DST: variants seen among roughly 807,000 people sequenced by gnomAD.
The protein encoded by DST is bullous pemphigoid antigen.
A neutral mutation model predicts 875.2 loss-of-function variants in DST; 253 were observed. The observed-to-expected ratio is 0.29, with a 90% confidence interval of 0.26 to 0.32. DST has a LOEUF of 0.32. DST is among the 10% of genes least tolerant of loss of function. The probability of loss-of-function intolerance (pLI) is 1.00; values close to 1 mark genes in which losing one functional copy is unlikely to be tolerated. For synonymous variants in DST, 3,124 were observed against 3,197.1 expected (o/e 0.98, Z 0.77); for missense variants, 8,287 against 9,111.6 (o/e 0.91, Z 3.68).
chr6:56,629,147 T>C, intron 32 of DST, 103 bp downstream of exon 32: 2 of 1,139,986 alleles, frequency 1.8e-6, no homozygotes, highest in Non-Finnish European at 2.6e-6. Flanking sequence ...ATTAACAAAT[T>C]AACTATGGAA....
At chr6:56,594,944 C>T (rs1482319840) in intron 47 of DST, among the ~76,000 whole-genome samples, 1 of 152,190 alleles carries the variant, frequency 6.6e-6, no homozygotes, top group Non-Finnish European at 1.5e-5. Flanking sequence ...GGCAGGTGTG[C>T]TGCAGGCAAG....
chr6:56,858,614 A>G (rs1769278485), intron 3 of DST, among the ~76,000 whole-genome samples: 1 of 152,186 alleles, frequency 6.6e-6, no homozygotes, highest in Non-Finnish European at 1.5e-5. Context: ...TTGATTTCAT[A>G]TCTTGACTAT....
intron 80 of DST, among the ~76,000 whole-genome samples, chr6:56,498,350 T>C (rs1407664711): frequency 6.6e-6 from 1 of 152,096 alleles, no homozygotes; most frequent in Non-Finnish European, 1.5e-5. Flanking sequence ...TTTTGTTTTA[T>C]TTTTTATACA....
chr6:56,465,372 T>TG (rs939000308), intron 99 of DST, among the ~76,000 whole-genome samples: 18 of 152,046 alleles, frequency 1.2e-4, no homozygotes, highest in Non-Finnish European at 2.1e-4. Flanking sequence ...GTTTTTTTCT[T>TG]GGGGGGGAAG....
At chr6:56,833,760 C>A (rs531743538) in intron 4 of DST, among the ~76,000 whole-genome samples, 2 of 152,182 alleles carry the variant, frequency 1.3e-5, no homozygotes, top group South Asian at 2.1e-4. Flanking sequence ...AGGAAATAAT[C>A]AGGTCCTTAT....
At chr6:56,469,744 A>T in intron 97 of DST, 139 bp downstream of exon 97, 2 of 693,992 alleles carry the variant, frequency 2.9e-6, no homozygotes, top group South Asian at 3.6e-5. Context: ...TAAATGTAAG[A>T]GTTTCATATA....
chr6:56,914,142 T>G (rs118165459), intron 2 of DST, among the ~76,000 whole-genome samples: 1 of 152,050 alleles, frequency 6.6e-6, no homozygotes, highest in African/African-American at 2.4e-5. Context: ...AAATGAACCA[T>G]AAAAAGAAAA....
chr6:56,752,841 A>G (rs9296852), intron 4 of DST, among the ~76,000 whole-genome samples: 88,197 of 151,894 alleles, frequency 0.58, 28,475 homozygotes, highest in African/African-American at 0.87. Flanking sequence ...GCCCAGGCTG[A>G]AGGGCAATGG....
At chr6:56,785,416 C>T (rs1376602563) in intron 4 of DST, among the ~76,000 whole-genome samples, 2 of 152,194 alleles carry the variant, frequency 1.3e-5, no homozygotes, top group Non-Finnish European at 2.9e-5. Context: ...TGGGCAATGG[C>T]AGGCGCCCCT....
At chr6:56,872,707 G>T (rs958329447) in intron 3 of DST, among the ~76,000 whole-genome samples, 4 of 151,980 alleles carry the variant, frequency 2.6e-5, no homozygotes, top group African/African-American at 7.2e-5. Context: ...TTACTACCAA[G>T]ATCTTAGCTT....
intron 10 of DST, among the ~76,000 whole-genome samples, chr6:56,664,139 T>A (rs1326321466): frequency 6.6e-6 from 1 of 152,120 alleles, no homozygotes; most frequent in Non-Finnish European, 1.5e-5. Context: ...CCACCTCAGA[T>A]TTGCAAAGCC....
At chr6:56,589,590 G>T (rs1308452235) in intron 49 of DST, among the ~76,000 whole-genome samples, 1 of 152,192 alleles carries the variant, frequency 6.6e-6, no homozygotes, top group Non-Finnish European at 1.5e-5. Context: ...CCAAAGATTA[G>T]CGCAAGTCTG....
At chr6:56,669,942 C>G (rs924793689) in intron 10 of DST, among the ~76,000 whole-genome samples, 1 of 152,190 alleles carries the variant, frequency 6.6e-6, no homozygotes, top group Non-Finnish European at 1.5e-5. Flanking sequence ...CCAAAACTGG[C>G]AATTGTTAAG....
chr6:56,887,255 A>G (rs1454029329), intron 3 of DST, among the ~76,000 whole-genome samples: 1 of 152,188 alleles, frequency 6.6e-6, no homozygotes, highest in Non-Finnish European at 1.5e-5. Context: ...TTGATTCACA[A>G]AGACTGAGAG....
intron 4 of DST, among the ~76,000 whole-genome samples, chr6:56,830,947 G>A (rs1346402914): frequency 6.6e-6 from 1 of 152,168 alleles, no homozygotes; most frequent in Non-Finnish European, 1.5e-5. Flanking sequence ...CTGGCTATCA[G>A]AAGACCAGAA....
In DST at chr6:56,483,527, C is replaced by CTTTTTTTTT. The variant is rs138042978; in HGVS notation, c.21208-659_21208-651dup. The CTTTTTTTTT allele has an allele frequency of 3.7e-4, 22 of 60,042 alleles. 2 individuals carry two copies. Among genetic ancestry groups the CTTTTTTTTT allele is most frequent in the African/African-American group, 9.1e-4 (12 of 13,204 alleles). 3.7% of individuals were successfully genotyped at this position (60,042 alleles called of 1,614,324 possible). A position where few individuals can be genotyped will look rare whatever the true frequency, so the allele number is the denominator to read the frequency against. On this transcript the variant is annotated intron_variant, in intron 88 of 103. Transcript: ENST00000680361. ...CTTAGAGGAAAAGCTTCTGGGTTTG[C>CTTTTTTTTT]TTTTTTTTTTTTTTTTTTTTTTTTT...
intron 9 of DST, among the ~76,000 whole-genome samples, chr6:56,696,994 C>G (rs2099267669): frequency 6.6e-6 from 1 of 152,068 alleles, no homozygotes; most frequent in Admixed American, 6.6e-5. Flanking sequence ...GATAACTTCT[C>G]CAAGTTTATA....
intron 77 of DST, 65 bp downstream of exon 77, chr6:56,506,378 T>C (rs921420336): frequency 7.4e-5 from 98 of 1,318,890 alleles, no homozygotes; most frequent in African/African-American, 5.9e-5. Context: ...TGCCAATATG[T>C]AGACATCAAT....
intron 81 of DST, 133 bp from the exon 82 acceptor site, chr6:56,497,640 C>T: frequency 8.4e-7 from 1 of 1,192,998 alleles, no homozygotes; most frequent in East Asian, 2.6e-5. Flanking sequence ...ATTAGATTTG[C>T]CTTTCTTCAT....
Sources: allele counts gnomAD v4.1 joint callset (sites outside exome capture counted in the v4.1 genomes callset), GRCh38; gene constraint gnomAD v4.1.1; transcripts MANE v1.5; gene names NCBI Gene and HGNC (gene_info 2026-07-23, HGNC 2026-07-21).